BICC1: variants seen among roughly 807,000 people sequenced by gnomAD.
BICC1 encodes BicC family RNA binding protein 1, also known as protein bicaudal C homolog 1.
Under a neutral mutation model 111.0 loss-of-function variants are expected in BICC1, and 43 were observed. The ratio of observed to expected loss-of-function variants is 0.39; its 90% CI spans 0.30 to 0.50. The LOEUF (loss-of-function observed/expected upper bound fraction) is 0.50, where lower values mean the gene tolerates loss of function less well. Among genes scored for constraint, BICC1 ranks in the 20% least tolerant of loss-of-function variants. BICC1 has a pLI of 0.88. For missense variants in BICC1, 1,091 were observed against 1,203.2 expected (o/e 0.91, Z 1.38); for synonymous variants, 467 against 434.4 (o/e 1.07, Z -0.93).
chr10:58,657,798 G>T (rs554147925), intron 2 of BICC1, among the ~76,000 whole-genome samples: 4 of 51,166 alleles, frequency 7.8e-5, no homozygotes, highest in Non-Finnish European at 1.5e-4. Flanking sequence ...GATATATAAA[G>T]ATCACTCATA....
In BICC1 at chr10:58,620,898, A is replaced by G. The variant is rs1376929043; in HGVS notation, c.234A>G (p.Gln78=). The change falls in exon 2 of 21, where the codon CAA becomes CAG. Residue 78 remains glutamine, a synonymous_variant. Coordinates refer to ENST00000373886, the MANE Select transcript of BICC1 (RefSeq NM_001080512.3). The part of the protein sequence containing the change: ...GKGRSGEDFF[Q]KIMEETNTQI... ...GCAGAAGTGGGGAAGACTTTTTTCA[A>G]AAGGTAAGTTGTCTTTTACTCTTGT... 16 of 1,613,332 alleles carry G rather than the reference A, an allele frequency of 9.9e-6. No homozygotes were observed. The highest frequency in any genetic ancestry group is 1.2e-5 in the Non-Finnish European group (14 of 1,179,672).
At chr10:58,635,496 C>T (rs571828458) in intron 2 of BICC1, among the ~76,000 whole-genome samples, 39 of 152,202 alleles carry the variant, frequency 2.6e-4, no homozygotes, top group Non-Finnish European at 5.0e-4. Context: ...AACAGAGGCT[C>T]TCTTGAAAAG....
chr10:58,700,070 C>T (rs1011151986), intron 2 of BICC1, among the ~76,000 whole-genome samples: 1 of 152,118 alleles, frequency 6.6e-6, no homozygotes, highest in African/African-American at 2.4e-5. Context: ...CCGGGGCCTG[C>T]TGTATACAGG....
chr10:58,652,544 T>A (rs1408441608), intron 2 of BICC1, among the ~76,000 whole-genome samples: 1 of 152,148 alleles, frequency 6.6e-6, no homozygotes, highest in Non-Finnish European at 1.5e-5. Context: ...AGTTTTAAAA[T>A]ACCCATCATT....
intron 2 of BICC1, among the ~76,000 whole-genome samples, chr10:58,622,750 T>G (rs1483749329): frequency 1.3e-5 from 2 of 152,190 alleles, no homozygotes; most frequent in African/African-American, 2.4e-5. Flanking sequence ...AAGTAGACAT[T>G]ATGGTTCATC....
rs115606189 is a variant in BICC1 at position 58,620,945 on chromosome 10, A to G, written c.237+44A>G. On this transcript the variant is annotated intron_variant, in intron 2 of 20. Transcript: ENST00000373886. ...TTGTCATGGTGATAAGTAAGAGGAA[A>G]TATACTTATCTCAACAGCTACCCTA... 6.4e-4 allele frequency: 991 copies of G among 1,553,318 alleles called. 10 individuals carry two copies. The African/African-American group carries it at 0.012, about 19-fold the overall frequency.
chr10:58,606,380 G>A (rs1845213175), intron 1 of BICC1, among the ~76,000 whole-genome samples: 1 of 142,496 alleles, frequency 7.0e-6, no homozygotes, highest in Non-Finnish European at 1.5e-5. Flanking sequence ...GTTTAGCCAG[G>A]TAAAGAATTT....
intron 18 of BICC1, among the ~76,000 whole-genome samples, 173 bp from the exon 19 acceptor site, chr10:58,817,389 C>T (rs907197874): frequency 6.6e-6 from 1 of 152,176 alleles, no homozygotes; most frequent in Non-Finnish European, 1.5e-5. Context: ...CAATAACCAG[C>T]ATTTCCTTAA....
At chr10:58,699,407 A>G (rs536534117) in intron 2 of BICC1, among the ~76,000 whole-genome samples, 1 of 152,316 alleles carries the variant, frequency 6.6e-6, no homozygotes, top group African/African-American at 2.4e-5. Context: ...TTTCTCTGGC[A>G]TATTATTTTC....
At chr10:58,614,570 G>C (rs1845539774) in intron 1 of BICC1, among the ~76,000 whole-genome samples, 1 of 152,118 alleles carries the variant, frequency 6.6e-6, no homozygotes, top group Admixed American at 6.5e-5. Flanking sequence ...CAGGTTTCTG[G>C]TTAAATTTTA....
intron 3 of BICC1, among the ~76,000 whole-genome samples, chr10:58,749,880 AC>A (rs1841937428): frequency 6.6e-6 from 1 of 152,156 alleles, no homozygotes; most frequent in Non-Finnish European, 1.5e-5. Context: ...AGAGTTAGTT[AC>A]CAGCTGAATT....
chr10:58,598,351 C>T (rs185026946), intron 1 of BICC1, among the ~76,000 whole-genome samples: 2 of 152,302 alleles, frequency 1.3e-5, no homozygotes, highest in East Asian at 3.9e-4. Flanking sequence ...AGAAATAATA[C>T]TGCACATCTA....
intron 2 of BICC1, 30 bp downstream of exon 2, chr10:58,620,931 A>G (rs1564517029): frequency 2.5e-6 from 4 of 1,604,380 alleles, no homozygotes; most frequent in African/African-American, 2.7e-5. Context: ...TGTCATGGTG[A>G]TAAGTAAGAG....
At chr10:58,770,731 A>G (rs1374372616) in intron 3 of BICC1, among the ~76,000 whole-genome samples, 1 of 152,204 alleles carries the variant, frequency 6.6e-6, no homozygotes, top group Non-Finnish European at 1.5e-5. Context: ...ACCAGTTGAT[A>G]TGAGAAGGCT....
At chr10:58,752,734 T>C (rs1842025174) in intron 3 of BICC1, among the ~76,000 whole-genome samples, 2 of 152,196 alleles carry the variant, frequency 1.3e-5, no homozygotes, top group African/African-American at 4.8e-5. Flanking sequence ...GGGCAATGTT[T>C]TGTTACTTTG....
chr10:58,796,608 A>G (rs1843362464), intron 10 of BICC1, 82 bp downstream of exon 10: 2 of 1,343,342 alleles, frequency 1.5e-6, no homozygotes, highest in Non-Finnish European at 2.0e-6. Flanking sequence ...ATTCGGGTCT[A>G]CATTTAAAGG....
At chr10:58,601,168 A>ATATATATATATATC (rs1182289120) in intron 1 of BICC1, among the ~76,000 whole-genome samples, 10 of 139,352 alleles carry the variant, frequency 7.2e-5, no homozygotes, top group East Asian at 6.1e-4. Context: ...ATATATATAT[A>ATATATATATATATC]TATCTCCCAA....
intron 3 of BICC1, among the ~76,000 whole-genome samples, chr10:58,736,468 A>C (rs1380939442): frequency 6.6e-6 from 1 of 152,124 alleles, no homozygotes; most frequent in Non-Finnish European, 1.5e-5. Flanking sequence ...TTTTCCTTGC[A>C]CTTAGTCTTT....
At chr10:58,550,983 C>T (rs1843281464) in intron 1 of BICC1, among the ~76,000 whole-genome samples, 1 of 152,112 alleles carries the variant, frequency 6.6e-6, no homozygotes, top group Non-Finnish European at 1.5e-5. Context: ...CATTCCACAT[C>T]CTGTTTGTTT....
Sources: gnomAD v4.1 joint callset for allele counts (sites outside exome capture counted in the v4.1 genomes callset) on GRCh38, gnomAD v4.1.1 for gene constraint, MANE v1.5 for transcripts, NCBI Gene and HGNC (gene_info 2026-07-23, HGNC 2026-07-21) for gene names.